The following DLC1 variants were observed in gnomAD, a reference collection of about 807,000 sequenced individuals.
DLC1 encodes the protein rho GTPase-activating protein 7.
In DLC1, 54 loss-of-function variants were observed where a neutral mutation model predicts 140.3. That is an observed-to-expected ratio of 0.38 (90% CI 0.31 to 0.48). DLC1 has a LOEUF of 0.48. Ranked by LOEUF, DLC1 falls within the 20% of genes least tolerant of loss-of-function variation. The probability of loss-of-function intolerance (pLI) is 0.96; values close to 1 mark genes in which losing one functional copy is unlikely to be tolerated. For synonymous variants in DLC1, 986 were observed against 728.1 expected (o/e 1.35, Z -5.70); for missense variants, 2,536 against 1,907.0 (o/e 1.33, Z -6.14).
intron 1 of DLC1, among the ~76,000 whole-genome samples, chr8:13,572,633 T>C (rs945270035): frequency 6.6e-6 from 1 of 152,206 alleles, no homozygotes; most frequent in African/African-American, 2.4e-5. Flanking sequence ...TAGTTATGTA[T>C]TTAATCCATT....
intron 1 of DLC1, among the ~76,000 whole-genome samples, chr8:13,559,728 C>A (rs973796832): frequency 6.6e-6 from 1 of 152,162 alleles, no homozygotes; most frequent in African/African-American, 2.4e-5. Flanking sequence ...ATCACAGACC[C>A]TTCTACCCAA....
At position 13,393,535 on chromosome 8, in the gene DLC1, T is replaced by C. The variant is rs1263095847; in HGVS notation, c.1314+18A>G. The C allele has an allele frequency of 6.2e-7, 1 of 1,609,248 alleles. No individual in the cohort carries two copies. The highest frequency in any genetic ancestry group is 8.5e-7 in the Non-Finnish European group (1 of 1,178,188). On this transcript the variant is annotated intron_variant, in intron 4 of 17. Transcript: ENST00000276297. ...AACATTTACACGTAGAGACTCTCTG[T>C]TATTATTTAGAACTCACCGTAGTCT...
At chr8:13,329,916 T>C (rs1833518254) in intron 4 of DLC1, among the ~76,000 whole-genome samples, 1 of 152,168 alleles carries the variant, frequency 6.6e-6, no homozygotes, top group African/African-American at 2.4e-5. Context: ...TTATTTGTTG[T>C]AGAGTTTGAG....
intron 4 of DLC1, among the ~76,000 whole-genome samples, chr8:13,357,984 A>T (rs1261959722): frequency 6.6e-6 from 1 of 152,182 alleles, no homozygotes; most frequent in Non-Finnish European, 1.5e-5. Context: ...TATGGTCTTT[A>T]TTCACTTAAT....
chr8:13,197,266 T>C (rs983611990), intron 5 of DLC1, among the ~76,000 whole-genome samples: 1 of 152,224 alleles, frequency 6.6e-6, no homozygotes, highest in African/African-American at 2.4e-5. Flanking sequence ...AATTTGTTAA[T>C]AGTAGCTCTC....
chr8:13,364,509 C>G (rs2117089758), intron 4 of DLC1, among the ~76,000 whole-genome samples: 1 of 152,222 alleles, frequency 6.6e-6, no homozygotes, highest in Admixed American at 6.5e-5. Flanking sequence ...GTTGCTCAGG[C>G]TGGTCTCGAA....
At chr8:13,213,940 T>C (rs1262744110) in intron 5 of DLC1, among the ~76,000 whole-genome samples, 5 of 152,024 alleles carry the variant, frequency 3.3e-5, no homozygotes, top group Non-Finnish European at 2.9e-5. Context: ...ACTCCCACCA[T>C]GCCTGGCTAA....
intron 4 of DLC1, among the ~76,000 whole-genome samples, chr8:13,314,524 C>A (rs976318944): frequency 7.9e-5 from 12 of 151,924 alleles, no homozygotes; most frequent in African/African-American, 2.9e-4. Context: ...TTACTCATAT[C>A]CATCTTGGTC....
intron 4 of DLC1, among the ~76,000 whole-genome samples, chr8:13,335,864 C>A (rs1257716504): frequency 4.0e-5 from 6 of 151,858 alleles, no homozygotes; most frequent in Non-Finnish European, 5.9e-5. Flanking sequence ...TGTACCCACA[C>A]TAAGTCATGT....
intron 4 of DLC1, among the ~76,000 whole-genome samples, chr8:13,344,355 T>C (rs545428622): frequency 2.6e-5 from 4 of 152,250 alleles, no homozygotes; most frequent in South Asian, 4.2e-4. Context: ...TAGCCGGGCA[T>C]GGTGGCACAT....
At chr8:13,600,299 C>G (rs1477528469) in intron 1 of DLC1, among the ~76,000 whole-genome samples, 1 of 151,790 alleles carries the variant, frequency 6.6e-6, no homozygotes, top group East Asian at 1.9e-4. Flanking sequence ...ACGATCAAAA[C>G]TTTAAGTAAG....
At chr8:13,214,555 A>AT (rs1828100827) in intron 5 of DLC1, 1 of 632,814 alleles carries the variant, frequency 1.6e-6, no homozygotes, top group African/African-American at 2.3e-5. Flanking sequence ...CCCCAACCCC[A>AT]CCTTTTTTTT....
intron 5 of DLC1, among the ~76,000 whole-genome samples, chr8:13,189,941 A>G (rs896767868): frequency 2.0e-5 from 3 of 151,996 alleles, no homozygotes; most frequent in Admixed American, 6.6e-5. Flanking sequence ...CAGAGCCTTC[A>G]GCCAGGTGAG....
chr8:13,493,760 T>A (rs1210826825), intron 2 of DLC1, among the ~76,000 whole-genome samples: 1 of 152,198 alleles, frequency 6.6e-6, no homozygotes, highest in Non-Finnish European at 1.5e-5. Context: ...CTACTTTGGT[T>A]CATTCCATTT....
At chr8:13,286,788 T>C (rs1831549689) in intron 5 of DLC1, among the ~76,000 whole-genome samples, 1 of 145,126 alleles carries the variant, frequency 6.9e-6, no homozygotes, top group African/African-American at 2.5e-5. Context: ...GGCATAAAAA[T>C]GCTAAAGAAA....
At chr8:13,423,128 T>G (rs1017435913) in intron 2 of DLC1, among the ~76,000 whole-genome samples, 1 of 152,192 alleles carries the variant, frequency 6.6e-6, no homozygotes, top group Non-Finnish European at 1.5e-5. Context: ...ATTGAATTGA[T>G]TTTTGCAGGT....
intron 1 of DLC1, among the ~76,000 whole-genome samples, chr8:13,571,577 C>T (rs11775950): frequency 0.99 from 151,512 of 152,354 alleles, 75,345 homozygotes; most frequent in Middle Eastern, 1. Context: ...GTAACATGTA[C>T]GTGTAACGTG....
chr8:13,471,598 T>C lies in DLC1; in HGVS notation c.1023+27451A>G, dbSNP rs536643423. Among the ~76,000 whole-genome samples, 19 of 151,812 alleles carry C rather than the reference T, an allele frequency of 1.3e-4. 1 individual carries two copies. The South Asian group carries it at 3.7e-3, about 30-fold the overall frequency. On this transcript the variant is annotated intron_variant, in intron 2 of 17. Transcript: ENST00000276297. ...GCGAATGGGTACAAGGCTCAATACC[T>C]GGGTGATGAAATGATCTGTACAACA...
chr8:13,427,437 T>G (rs1348234005), intron 2 of DLC1, among the ~76,000 whole-genome samples: 1 of 152,186 alleles, frequency 6.6e-6, no homozygotes, highest in African/African-American at 2.4e-5. Context: ...GCCATATAAT[T>G]TCACACCAAT....
Sources: allele counts gnomAD v4.1 joint callset (sites outside exome capture counted in the v4.1 genomes callset), GRCh38; gene constraint gnomAD v4.1.1; transcripts MANE v1.5; gene names NCBI Gene and HGNC (gene_info 2026-07-23, HGNC 2026-07-21).